CADPS: variants seen among roughly 807,000 people sequenced by gnomAD.
The protein encoded by CADPS is calcium-dependent secretion activator 1.
CADPS carries 57 observed loss-of-function variants against 167.3 expected under a neutral mutation model. The observed-to-expected ratio is 0.34, with a 90% confidence interval of 0.28 to 0.42. CADPS has a LOEUF of 0.42. CADPS is among the 20% of genes least tolerant of loss of function. The pLI is 1.00. For missense variants in CADPS, 1,414 were observed against 1,738.1 expected (o/e 0.81, Z 3.32); for synonymous variants, 676 against 635.3 (o/e 1.06, Z -0.96).
chr3:62,708,788 G>A (rs1406777083), intron 3 of CADPS, among the ~76,000 whole-genome samples: 1 of 152,066 alleles, frequency 6.6e-6, no homozygotes, highest in African/African-American at 2.4e-5. Flanking sequence ...CAAATGCTGA[G>A]CAGCTGTGAC....
In CADPS at chr3:62,758,393, A is replaced by G. The variant is rs115591442; in HGVS notation, c.556-4620T>C. On this transcript the variant is annotated intron_variant, in intron 2 of 29. Transcript: ENST00000383710. ...GGAGACAGTAAAGATGAATTGCCCA[A>G]TGGAGACAAGACAGCCATGAGGAGA... is the stretch of plus-strand genomic sequence containing the variant. Among the ~76,000 whole-genome samples, 1,375 of 152,324 alleles carry G rather than the reference A, an allele frequency of 9.0e-3. 16 individuals are homozygous for G. The highest frequency in any genetic ancestry group is 0.028 in the African/African-American group (1,166 of 41,572).
At chr3:62,770,697 A>T (rs1036244602) in intron 1 of CADPS, among the ~76,000 whole-genome samples, 7 of 152,220 alleles carry the variant, frequency 4.6e-5, no homozygotes, top group Non-Finnish European at 8.8e-5. Flanking sequence ...AAGTGCTGGG[A>T]TTATAAGCGT....
chr3:62,720,849 G>A (rs563376197), intron 3 of CADPS, among the ~76,000 whole-genome samples: 5 of 140,114 alleles, frequency 3.6e-5, no homozygotes, highest in South Asian at 2.2e-4. Context: ...GCAGAGTCTC[G>A]CTCTGTCACC....
At chr3:62,580,786 G>A (rs893698794) in intron 8 of CADPS, among the ~76,000 whole-genome samples, 2 of 152,138 alleles carry the variant, frequency 1.3e-5, no homozygotes, top group Admixed American at 6.5e-5. Context: ...TAAAAGATTA[G>A]AAATAGAAAT....
rs986174344 is a variant in CADPS, at chr3:62,398,930, G to A, written c.*476C>T. 6.6e-6 allele frequency: 1 copy of A among 152,322 alleles called. No homozygotes were observed. Among genetic ancestry groups the A allele is most frequent in the African/African-American group, 2.4e-5 (1 of 41,518 alleles). 9.4% of individuals were successfully genotyped at this position (152,322 alleles called of 1,614,324 possible). Reference sequence around the variant, plus strand: ...GTTAATTGTTGGAGACTTGCCTTTTGTTTTTCAAAAAATAAAAATAAAAAC... The same window carrying A: ...GTTAATTGTTGGAGACTTGCCTTTTATTTTTCAAAAAATAAAAATAAAAAC... On this transcript the variant is annotated 3_prime_UTR_variant, in exon 30 of 30. Transcript: ENST00000383710.
chr3:62,859,439 TTGGGCTC>T (rs1331623355), intron 1 of CADPS, among the ~76,000 whole-genome samples: 5 of 152,252 alleles, frequency 3.3e-5, no homozygotes, highest in South Asian at 4.1e-4. Context: ...AAAGATAGCT[TTGGGCTC>T]TCCACATAGA....
chr3:62,781,561 T>C (rs1162427746), intron 1 of CADPS, among the ~76,000 whole-genome samples: 1 of 151,784 alleles, frequency 6.6e-6, no homozygotes, highest in African/African-American at 2.4e-5. Flanking sequence ...GAAGCAGAAA[T>C]GGACAGGGGA....
rs563548489 is a variant in CADPS, at chr3:62,485,635, A to T, written c.3027-3766T>A. ...GATTGAAACCCTCATCTGGGGAAAC[A>T]TCCCCATAGTTTTCCCATTACATCC... is the stretch of plus-strand genomic sequence containing the variant. On this transcript the variant is annotated intron_variant, in intron 21 of 29. Coordinates refer to ENST00000383710, the MANE Select transcript of CADPS (RefSeq NM_003716.4). Among the ~76,000 whole-genome samples the T allele has an allele frequency of 4.4e-4, 67 of 152,294 alleles. No individual in the cohort carries two copies. The South Asian group carries it at 9.5e-3, about 22-fold the overall frequency.
At chr3:62,752,925 G>A (rs753153801) in intron 3 of CADPS, among the ~76,000 whole-genome samples, 17 of 152,218 alleles carry the variant, frequency 1.1e-4, no homozygotes, top group Non-Finnish European at 2.1e-4. Flanking sequence ...GTGGACCCAA[G>A]CAGAGCCTCA....
At chr3:62,552,984 G>T (rs925810609) in intron 10 of CADPS, among the ~76,000 whole-genome samples, 2 of 152,164 alleles carry the variant, frequency 1.3e-5, no homozygotes, top group Non-Finnish European at 2.9e-5. Flanking sequence ...GAAAGGGGAA[G>T]GAGGAGGAAG....
chr3:62,793,403 A>G (rs1016050665), intron 1 of CADPS, among the ~76,000 whole-genome samples: 2 of 152,330 alleles, frequency 1.3e-5, no homozygotes, highest in Admixed American at 6.5e-5. Flanking sequence ...TTGAATTAAA[A>G]ATTATAGAAG....
At chr3:62,454,075 G>C (rs892217563) in intron 26 of CADPS, among the ~76,000 whole-genome samples, 1 of 152,108 alleles carries the variant, frequency 6.6e-6, no homozygotes, top group African/African-American at 2.4e-5. Flanking sequence ...TTCAAAATTT[G>C]ATTCCCATTT....
At chr3:62,466,590 T>C in intron 24 of CADPS, 177 bp from the exon 25 acceptor site, 1 of 657,794 alleles carries the variant, frequency 1.5e-6, no homozygotes, top group Non-Finnish European at 2.8e-6. Context: ...GAGAGAGATC[T>C]GAAGCTCTTA....
At chr3:62,635,099 A>T (rs1378097086) in intron 6 of CADPS, among the ~76,000 whole-genome samples, 1 of 152,164 alleles carries the variant, frequency 6.6e-6, no homozygotes, top group African/African-American at 2.4e-5. Flanking sequence ...TGTTTTTGAG[A>T]TTCATTTCAT....
At chr3:62,497,946 A>T (rs960098660) in intron 18 of CADPS, among the ~76,000 whole-genome samples, 12 of 152,174 alleles carry the variant, frequency 7.9e-5, no homozygotes, top group African/African-American at 2.9e-4. Context: ...TCATGCACGC[A>T]CAAGAGAATC....
chr3:62,582,642 C>T (rs2083661545), intron 8 of CADPS, among the ~76,000 whole-genome samples: 2 of 152,158 alleles, frequency 1.3e-5, no homozygotes, highest in East Asian at 1.9e-4. Context: ...CTGATTTAGG[C>T]CACGTTGGGT....
At chr3:62,509,148 C>A (rs1331111353) in intron 17 of CADPS, among the ~76,000 whole-genome samples, 6 of 151,774 alleles carry the variant, frequency 4.0e-5, no homozygotes, top group Admixed American at 2.6e-4. Flanking sequence ...ACTAAAAATA[C>A]AAAAAATTAG....
At chr3:62,794,002 C>T (rs936255251) in intron 1 of CADPS, among the ~76,000 whole-genome samples, 3 of 152,110 alleles carry the variant, frequency 2.0e-5, no homozygotes, top group African/African-American at 4.8e-5. Context: ...TATCCCTCAC[C>T]CTCTCAAATG....
intron 6 of CADPS, among the ~76,000 whole-genome samples, chr3:62,634,698 A>G (rs13084034): frequency 0.3 from 45,496 of 152,092 alleles, 7,488 homozygotes; most frequent in Non-Finnish European, 0.36. Flanking sequence ...AGGTATATAA[A>G]ATATTTTAAC....
Sources: allele counts gnomAD v4.1 joint callset (sites outside exome capture counted in the v4.1 genomes callset), GRCh38; gene constraint gnomAD v4.1.1; transcripts MANE v1.5; gene names NCBI Gene and HGNC (gene_info 2026-07-23, HGNC 2026-07-21).